The following FAM135B variants were observed in gnomAD, a reference collection of about 807,000 sequenced individuals.
FAM135B encodes protein FAM135B.
A neutral mutation model predicts 127.7 loss-of-function variants in FAM135B; 43 were observed. The observed-to-expected ratio is 0.34, with a 90% CI of 0.26 to 0.43. FAM135B has a LOEUF of 0.43. FAM135B is among the 20% of genes least tolerant of loss of function. The pLI, the probability that FAM135B is intolerant of heterozygous loss-of-function variation, is 1.00. For synonymous variants in FAM135B, 670 were observed against 665.1 expected (o/e 1.01, Z -0.11); for missense variants, 1,558 against 1,725.6 (o/e 0.90, Z 1.72).
chr8:138,474,505 G>T (rs1187306009), intron 1 of FAM135B, among the ~76,000 whole-genome samples: 1 of 152,092 alleles, frequency 6.6e-6, no homozygotes, highest in African/African-American at 2.4e-5. Context: ...AGGTATAAAA[G>T]ATGCAAGCTT....
chr8:138,155,223 T>C (rs1818605213), intron 12 of FAM135B, among the ~76,000 whole-genome samples: 1 of 152,218 alleles, frequency 6.6e-6, no homozygotes, highest in Admixed American at 6.5e-5. Context: ...AGAAATAAAA[T>C]CCTTTACAGA....
chr8:138,195,341 AACCCAC>A, intron 8 of FAM135B, 34 bp from the exon 9 acceptor site: 1 of 1,598,418 alleles, frequency 6.3e-7, no homozygotes, highest in Non-Finnish European at 8.5e-7. Context: ...TGATTAAATG[AACCCAC>A]ACTGAAATGC....
At chr8:138,239,823 A>G (rs2130329942) in intron 7 of FAM135B, among the ~76,000 whole-genome samples, 1 of 152,328 alleles carries the variant, frequency 6.6e-6, no homozygotes, top group Non-Finnish European at 1.5e-5. Flanking sequence ...GCAGCCATAA[A>G]AAAGGATGAG....
At chr8:138,184,434 C>A (rs73423943) in intron 9 of FAM135B, among the ~76,000 whole-genome samples, 7 of 152,066 alleles carry the variant, frequency 4.6e-5, no homozygotes, top group Non-Finnish European at 4.4e-5. Context: ...GGAGGATGTG[C>A]GACGCAAAAG....
chr8:138,248,720 T>C (rs1821476393), intron 6 of FAM135B, among the ~76,000 whole-genome samples: 1 of 150,278 alleles, frequency 6.7e-6, no homozygotes, highest in Non-Finnish European at 1.5e-5. Context: ...CTTGGGTAGC[T>C]GAGGCAGGAG....
rs775046443 is a variant in FAM135B at position 138,195,269 on chromosome 8, A to G, written c.862T>C (p.Ser288Pro). The change falls in exon 9 of 20, where the codon TCA becomes CCA. Residue 288 changes from serine to proline, a missense_variant. Coordinates refer to ENST00000395297, the MANE Select transcript of FAM135B (RefSeq NM_015912.4). ...AGTTCTCCAATTACCTGTAGCTCTGAGCACAGCTGAGAAAGTGTTTCTTCA... is the reference window on the plus strand; with the variant it reads ...AGTTCTCCAATTACCTGTAGCTCTGGGCACAGCTGAGAAAGTGTTTCTTCA... ...AVEETLSQLCSELQMLNNPEK... is the reference protein window; with the variant it reads ...AVEETLSQLCPELQMLNNPEK... 2.5e-6 allele frequency: 4 copies of G among 1,613,972 alleles called. No individual in the cohort carries two copies. The highest frequency in any genetic ancestry group is 3.4e-6 in the Non-Finnish European group (4 of 1,179,972).
At chr8:138,363,320 T>C (rs1830547513) in intron 2 of FAM135B, among the ~76,000 whole-genome samples, 1 of 152,162 alleles carries the variant, frequency 6.6e-6, no homozygotes, top group Admixed American at 6.6e-5. Flanking sequence ...TGCCGTAAAC[T>C]TTCAGATTGC....
chr8:138,422,275 C>A (rs1224942893), intron 1 of FAM135B, among the ~76,000 whole-genome samples: 1 of 152,016 alleles, frequency 6.6e-6, no homozygotes, highest in East Asian at 1.9e-4. Flanking sequence ...GCAAGTGGGA[C>A]CTCACTAAAC....
At chr8:138,474,351 A>G (rs1453215268) in intron 1 of FAM135B, among the ~76,000 whole-genome samples, 2 of 152,196 alleles carry the variant, frequency 1.3e-5, no homozygotes, top group Non-Finnish European at 2.9e-5. Flanking sequence ...TCTCTCCTGC[A>G]AAATGAGAGT....
chr8:138,227,542 T>A (rs1011561561), intron 7 of FAM135B, among the ~76,000 whole-genome samples: 1 of 152,156 alleles, frequency 6.6e-6, no homozygotes, highest in Non-Finnish European at 1.5e-5. Context: ...TATTGATAGC[T>A]TTATTGGGGT....
intron 13 of FAM135B, among the ~76,000 whole-genome samples, chr8:138,150,632 C>A (rs923444522): frequency 6.6e-6 from 1 of 151,934 alleles, no homozygotes; most frequent in Non-Finnish European, 1.5e-5. Context: ...TGCGTCACTG[C>A]ACTCCAGCCT....
intron 6 of FAM135B, 49 bp downstream of exon 6, chr8:138,250,792 G>A (rs2130481365): frequency 6.3e-7 from 1 of 1,597,426 alleles, no homozygotes; most frequent in Non-Finnish European, 8.6e-7. Flanking sequence ...TACCACACCT[G>A]CAATGGAAGG....
intron 1 of FAM135B, among the ~76,000 whole-genome samples, chr8:138,444,137 C>T (rs972814591): frequency 6.6e-6 from 1 of 152,028 alleles, no homozygotes; most frequent in Non-Finnish European, 1.5e-5. Flanking sequence ...ACAGGAGCAC[C>T]CAGATTCATA....
At chr8:138,269,948 C>T (rs1823247222) in intron 3 of FAM135B, among the ~76,000 whole-genome samples, 1 of 152,122 alleles carries the variant, frequency 6.6e-6, no homozygotes. Context: ...ACCCTGAAGC[C>T]AAACTTTATT....
intron 2 of FAM135B, among the ~76,000 whole-genome samples, chr8:138,364,942 G>T (rs372269738): frequency 7.9e-5 from 12 of 152,162 alleles, no homozygotes; most frequent in Admixed American, 3.3e-4. Flanking sequence ...CCACCTCCTG[G>T]TTCAAGCAGT....
chr8:138,402,285 C>T (rs376535373), intron 1 of FAM135B, among the ~76,000 whole-genome samples: 31 of 152,162 alleles, frequency 2.0e-4, no homozygotes, highest in African/African-American at 7.0e-4. Context: ...CCTATGAAGT[C>T]AGGGCACTTA....
chr8:138,307,955 T>G (rs758865466), intron 3 of FAM135B, among the ~76,000 whole-genome samples: 1 of 152,182 alleles, frequency 6.6e-6, no homozygotes, highest in Non-Finnish European at 1.5e-5. Context: ...TATGTTTGGA[T>G]AGTTGGCCAG....
intron 12 of FAM135B, among the ~76,000 whole-genome samples, chr8:138,159,519 C>A (rs1253700061): frequency 1.3e-5 from 2 of 150,490 alleles, no homozygotes; most frequent in African/African-American, 2.5e-5. Flanking sequence ...AAACCAAACA[C>A]CACATGTTCT....
chr8:138,155,836 CAAT>C (rs1384872004), intron 12 of FAM135B, among the ~76,000 whole-genome samples: 2 of 152,112 alleles, frequency 1.3e-5, no homozygotes, highest in African/African-American at 2.4e-5. Context: ...GGCTCCCACA[CAAT>C]AATAGTGGGA....
Sources: gnomAD v4.1 joint callset for allele counts (sites outside exome capture counted in the v4.1 genomes callset) on GRCh38, gnomAD v4.1.1 for gene constraint, MANE v1.5 for transcripts, NCBI Gene and HGNC (gene_info 2026-07-23, HGNC 2026-07-21) for gene names.